LYPD1: variants seen among roughly 807,000 people sequenced by gnomAD.
LYPD1 encodes the protein LY6/PLAUR domain containing 1.
LYPD1 carries 14 observed loss-of-function variants against 14.2 expected under a neutral mutation model. The observed-to-expected ratio is 0.99, with a 90% CI of 0.65 to 1.54. The LOEUF (loss-of-function observed/expected upper bound fraction) is 1.54, where lower values mean the gene tolerates loss of function less well. Ranked by LOEUF, LYPD1 falls within the 40% of genes most tolerant of loss-of-function variation. The pLI, the probability that LYPD1 is intolerant of heterozygous loss-of-function variation, is 0.00. For missense variants in LYPD1, 165 were observed against 175.7 expected, an observed-to-expected ratio of 0.94 and a Z score of 0.34; for synonymous variants, 85 against 70.6, an observed-to-expected ratio of 1.20 and a Z score of -1.02.
chr2:132,669,934 C>G lies in LYPD1; in HGVS notation c.-2G>C. ...TGCCGCGATGCCTAGGACCCACATT[C>G]TCCCGGAGTCCCGGGGCCGGGAGAG... On this transcript the variant is annotated 5_prime_UTR_variant, in exon 1 of 3. Coordinates refer to ENST00000397463, the MANE Select transcript of LYPD1 (RefSeq NM_144586.7). This position sits in a 1 kb window ranked among gnomAD's most constrained non-coding sequence, Gnocchi z 4.3. 1 of 1,612,372 alleles carries G rather than the reference C, an allele frequency of 6.2e-7. No individual in the cohort carries two copies. Among genetic ancestry groups the G allele is most frequent in the Non-Finnish European group, 8.5e-7 (1 of 1,179,298 alleles).
At chr2:132,649,893 G>A (rs565417429) in intron 2 of LYPD1, among the ~76,000 whole-genome samples, 1 of 151,702 alleles carries the variant, frequency 6.6e-6, no homozygotes, top group African/African-American at 2.4e-5. Context: ...TTTTTTTTAT[G>A]TAAGAGTTGT....
chr2:132,645,007 A>AG lies in LYPD1; in HGVS notation c.*1037dup. ...TTCCTGGCCAGTAAGCACAGAACAG[A>AG]GGGGCTAAATATTTTATGGTTTTAT... On this transcript the variant is annotated 3_prime_UTR_variant, in exon 3 of 3. Coordinates refer to ENST00000397463, the MANE Select transcript of LYPD1 (RefSeq NM_144586.7). The AG allele has an allele frequency of 2.1e-6, 3 of 1,414,070 alleles. No homozygotes were observed. Among genetic ancestry groups the AG allele is most frequent in the Non-Finnish European group, 2.9e-6 (3 of 1,042,088 alleles). The allele number at this position is 1,414,070 out of a possible 1,614,324, so 87.6% of individuals were successfully genotyped here. A position where few individuals can be genotyped will look rare whatever the true frequency, so the allele number is the denominator to read the frequency against.
chr2:132,655,535 G>A (rs1374305128), intron 2 of LYPD1, among the ~76,000 whole-genome samples: 1 of 20,344 alleles, frequency 4.9e-5, no homozygotes, highest in Non-Finnish European at 8.3e-5. Context: ...TTTTTTTTGA[G>A]ATGGAGTCTC....
Position 132,645,382 on chromosome 2 carries a change from T to G in LYPD1, c.*663A>C. 1.2e-6 allele frequency: 2 copies of G among 1,613,700 alleles called. No homozygotes were observed. The highest frequency in any genetic ancestry group is 1.7e-6 in the Non-Finnish European group (2 of 1,179,976). ...GAAGCGCCTGCGCGTACATGCGCAC[T>G]CCACCACCGACAGCGCCCGCTTTGT... On this transcript the variant is annotated 3_prime_UTR_variant, in exon 3 of 3. Transcript: ENST00000397463.
At chr2:132,653,466 A>G (rs1682432924) in intron 2 of LYPD1, among the ~76,000 whole-genome samples, 1 of 152,240 alleles carries the variant, frequency 6.6e-6, no homozygotes, top group African/African-American at 2.4e-5. Flanking sequence ...AAGTATGTGC[A>G]GAAGAGACAA....
At chr2:132,664,980 A>G (rs1013401175) in intron 2 of LYPD1, among the ~76,000 whole-genome samples, 1 of 152,254 alleles carries the variant, frequency 6.6e-6, no homozygotes, top group African/African-American at 2.4e-5. Flanking sequence ...CAAGTCATTC[A>G]TTATGCAAAT....
chr2:132,660,464 C>CT (rs1682867086), intron 2 of LYPD1: 1 of 152,210 alleles, frequency 6.6e-6, no homozygotes, highest in Non-Finnish European at 1.5e-5. Context: ...AGAACATGCC[C>CT]TACAGCTCTG....
chr2:132,645,022 T>C lies in LYPD1; in HGVS notation c.*1023A>G, dbSNP rs1334584516. The C allele has an allele frequency of 5.6e-5, 83 of 1,486,970 alleles. No individual in the cohort carries two copies. The highest frequency in any genetic ancestry group is 6.7e-5 in the Non-Finnish European group (74 of 1,100,944). 92.1% of individuals were successfully genotyped at this position (1,486,970 alleles called of 1,614,324 possible). On this transcript the variant is annotated 3_prime_UTR_variant, in exon 3 of 3. Transcript: ENST00000397463. Reference sequence around the variant, plus strand: ...CACAGAACAGAGGGGCTAAATATTTTATGGTTTTATTCATTTACTGTGTTC... The same window carrying C: ...CACAGAACAGAGGGGCTAAATATTTCATGGTTTTATTCATTTACTGTGTTC...
At chr2:132,662,929 A>C (rs997915975) in intron 2 of LYPD1, 1 of 152,186 alleles carries the variant, frequency 6.6e-6, no homozygotes, top group Admixed American at 6.5e-5. Flanking sequence ...GTTCAGCTGG[A>C]AAGTTAACAT....
intron 2 of LYPD1, among the ~76,000 whole-genome samples, chr2:132,649,774 TCCAC>T (rs1682280537): frequency 6.6e-6 from 1 of 152,090 alleles, no homozygotes; most frequent in Non-Finnish European, 1.5e-5. Flanking sequence ...CCTGAACAGT[TCCAC>T]CATTCACATG....
At position 132,645,495 on chromosome 2, in the gene LYPD1, C is replaced by T. The variant is rs748809584; in HGVS notation, c.*550G>A. 6.2e-6 allele frequency: 10 copies of T among 1,613,662 alleles called. No individual in the cohort carries two copies. The highest frequency in any genetic ancestry group is 2.2e-5 in the South Asian group (2 of 91,094). On this transcript the variant is annotated 3_prime_UTR_variant, in exon 3 of 3. Coordinates refer to ENST00000397463, the MANE Select transcript of LYPD1 (RefSeq NM_144586.7). The stretch of plus-strand genomic sequence containing the variant: ...TCTTAAGCACTTTTCAGAGCGAGGC[C>T]GAGCCCCAGTCTAAGTCCCAGTCAT...
At chr2:132,665,505 A>G (rs1232174873) in intron 2 of LYPD1, among the ~76,000 whole-genome samples, 1 of 152,152 alleles carries the variant, frequency 6.6e-6, no homozygotes, top group Admixed American at 6.5e-5. Context: ...AAAATGGCCT[A>G]AACTCTTTGA....
rs1190396927 is a variant in LYPD1 at position 132,644,125 on chromosome 2, C to T, written c.*1920G>A. Among the ~76,000 whole-genome samples the T allele has an allele frequency of 6.6e-6, 1 of 152,198 alleles. No individual in the cohort carries two copies. Among genetic ancestry groups the T allele is most frequent in the African/African-American group, 2.4e-5 (1 of 41,440 alleles). On this transcript the variant is annotated 3_prime_UTR_variant, in exon 3 of 3. Coordinates refer to ENST00000397463, the MANE Select transcript of LYPD1 (RefSeq NM_144586.7). ...TTGCTTTTGTCACTGTAACTAAACT[C>T]TCATGATACCTGTGATTTCAGTTGT...
intron 2 of LYPD1, among the ~76,000 whole-genome samples, chr2:132,654,260 G>A (rs1428849123): frequency 6.6e-6 from 1 of 152,030 alleles, no homozygotes; most frequent in Non-Finnish European, 1.5e-5. Flanking sequence ...TATCAGCTGG[G>A]CATGGTGGCG....
chr2:132,652,430 A>G (rs1682394027), intron 2 of LYPD1, among the ~76,000 whole-genome samples: 1 of 152,170 alleles, frequency 6.6e-6, no homozygotes, highest in Admixed American at 6.5e-5. Flanking sequence ...TGGGTAACAG[A>G]GTTTACATAA....
intron 2 of LYPD1, among the ~76,000 whole-genome samples, chr2:132,658,876 A>C (rs115269035): frequency 9.9e-5 from 15 of 152,204 alleles, no homozygotes; most frequent in Admixed American, 3.3e-4. Context: ...CCAAGGTAGC[A>C]GAGTTCCAGC....
In LYPD1 at chr2:132,669,998, C is replaced by T. The variant is rs1029901100; in HGVS notation, c.-66G>A. ...GAGGAGGCGACAGCAGCGGAGGCTG[C>T]CCCGGCTGCAGCGGCTGTGGCTGCC... is the stretch of plus-strand genomic sequence containing the variant. On this transcript the variant is annotated 5_prime_UTR_variant, in exon 1 of 3. Coordinates refer to ENST00000397463, the MANE Select transcript of LYPD1 (RefSeq NM_144586.7). The surrounding 1 kb of genome is among the most constrained non-coding windows in gnomAD (Gnocchi z 4.3). The T allele has an allele frequency of 4.4e-6, 7 of 1,589,176 alleles. No individual in the cohort carries two copies. The highest frequency in any genetic ancestry group is 1.4e-5 in the African/African-American group (1 of 73,634).
chr2:132,651,409 T>G (rs1170545103), intron 2 of LYPD1, among the ~76,000 whole-genome samples: 1 of 152,162 alleles, frequency 6.6e-6, no homozygotes, highest in Non-Finnish European at 1.5e-5. Flanking sequence ...CTGCTTTTCC[T>G]TTAACCAGGA....
chr2:132,645,314 A>AGGTGC lies in LYPD1; in HGVS notation c.*726_*730dup. 1 of 1,614,168 alleles carries AGGTGC rather than the reference A, an allele frequency of 6.2e-7. No individual in the cohort carries two copies. The highest frequency in any genetic ancestry group is 8.5e-7 in the Non-Finnish European group (1 of 1,180,026). On this transcript the variant is annotated 3_prime_UTR_variant, in exon 3 of 3. Coordinates refer to ENST00000397463, the MANE Select transcript of LYPD1 (RefSeq NM_144586.7). ...CAGCAGTTTCGGCGGGTGTTCGTGC[A>AGGTGC]GGTGCTGTGCTGCCGCCTGTCGCTG...
Sources: gnomAD v4.1 joint callset for allele counts (sites outside exome capture counted in the v4.1 genomes callset) on GRCh38, gnomAD v4.1.1 for gene constraint, Gnocchi (gnomAD v3.1) non-coding constraint, MANE v1.5 for transcripts, NCBI Gene and HGNC (gene_info 2026-07-23, HGNC 2026-07-21) for gene names.